The following USP32 variants were observed in gnomAD, a reference collection of about 807,000 sequenced individuals.
USP32 encodes the protein ubiquitin carboxyl-terminal hydrolase 32.
USP32 carries 59 observed loss-of-function variants against 204.8 expected under a neutral mutation model. The observed-to-expected ratio is 0.29, with a 90% CI of 0.23 to 0.36. The LOEUF (loss-of-function observed/expected upper bound fraction) is 0.36. Among genes scored for constraint, USP32 ranks in the 10% least tolerant of loss-of-function variants. The probability of loss-of-function intolerance (pLI) is 1.00; values close to 1 mark genes in which losing one functional copy is unlikely to be tolerated. For synonymous variants in USP32, 517 were observed against 678.4 expected, an observed-to-expected ratio of 0.76 and a Z score of 3.70; for missense variants, 1,160 against 1,946.4, an observed-to-expected ratio of 0.60 and a Z score of 7.60.
At chr17:60,419,849 T>TTATTA (rs1567903881) in intron 1 of USP32, among the ~76,000 whole-genome samples, 36 of 131,206 alleles carry the variant, frequency 2.7e-4, no homozygotes, top group African/African-American at 8.4e-4. Flanking sequence ...ATTATTATTA[T>TTATTA]TATTATTATT....
intron 1 of USP32, among the ~76,000 whole-genome samples, chr17:60,388,423 A>G (rs1168902468): frequency 2.0e-5 from 3 of 152,194 alleles, no homozygotes; most frequent in Non-Finnish European, 4.4e-5. Flanking sequence ...AAGATGTCTT[A>G]GAGTTCTAAA....
At chr17:60,386,808 C>T (rs550762765) in intron 1 of USP32, among the ~76,000 whole-genome samples, 5 of 152,328 alleles carry the variant, frequency 3.3e-5, no homozygotes, top group African/African-American at 1.2e-4. Flanking sequence ...TTTATCTCCT[C>T]TTGTCAGAGA....
chr17:60,374,182 T>A (rs1339224186), intron 1 of USP32, among the ~76,000 whole-genome samples: 2 of 150,466 alleles, frequency 1.3e-5, no homozygotes, highest in Non-Finnish European at 3.0e-5. Context: ...AGACTCTGTC[T>A]CCAAAAAAAA....
chr17:60,328,597 C>T (rs2088302388), intron 2 of USP32, among the ~76,000 whole-genome samples: 1 of 152,216 alleles, frequency 6.6e-6, no homozygotes, highest in Admixed American at 6.5e-5. Context: ...AGAGCTATAA[C>T]ATAAACAGAG....
intron 2 of USP32, among the ~76,000 whole-genome samples, chr17:60,332,064 G>A (rs1032163320): frequency 6.6e-6 from 1 of 151,830 alleles, no homozygotes; most frequent in Admixed American, 6.6e-5. Flanking sequence ...GCAACATAGC[G>A]AAACCCCATC....
At chr17:60,259,117 A>G (rs2086388334) in intron 9 of USP32, among the ~76,000 whole-genome samples, 1 of 152,216 alleles carries the variant, frequency 6.6e-6, no homozygotes, top group African/African-American at 2.4e-5. Context: ...ACATGGTAGG[A>G]ACCAGCAAGG....
intron 1 of USP32, among the ~76,000 whole-genome samples, chr17:60,417,998 A>G (rs57202205): frequency 0.19 from 25,264 of 130,644 alleles, 5,358 homozygotes; most frequent in African/African-American, 0.54. Flanking sequence ...CACTCTTGTT[A>G]CCCAGGCTGG....
At chr17:60,398,802 A>G (rs576682407) in intron 1 of USP32, among the ~76,000 whole-genome samples, 1 of 151,342 alleles carries the variant, frequency 6.6e-6, no homozygotes, top group East Asian at 1.9e-4. Flanking sequence ...ACATTGCAAG[A>G]CCCTGTCTCT....
chr17:60,333,241 C>T (rs1453229598), intron 2 of USP32, among the ~76,000 whole-genome samples: 1 of 152,158 alleles, frequency 6.6e-6, no homozygotes, highest in African/African-American at 2.4e-5. Flanking sequence ...GTTGATAACA[C>T]ATATTATATG....
At chr17:60,265,543 T>C (rs973434305) in intron 8 of USP32, 69 bp from the exon 9 acceptor site, 1 of 1,023,010 alleles carries the variant, frequency 9.8e-7, no homozygotes, top group Non-Finnish European at 1.5e-6. Context: ...ATTCAATGGC[T>C]AAAGTATATT....
upstream of USP32, among the ~76,000 whole-genome samples, chr17:60,396,094 T>TC (rs2089898631): frequency 6.7e-6 from 1 of 148,896 alleles, no homozygotes; most frequent in Non-Finnish European, 1.5e-5. Context: ...TTTTTTTTTT[T>TC]TGAGACAGGG....
chr17:60,385,832 C>A (rs1194665172), intron 1 of USP32, among the ~76,000 whole-genome samples: 1 of 147,852 alleles, frequency 6.8e-6, no homozygotes, highest in African/African-American at 2.5e-5. Flanking sequence ...AATAGAGACT[C>A]TGTCTCAAAA....
At chr17:60,286,632 G>A (rs1014965788) in intron 5 of USP32, among the ~76,000 whole-genome samples, 3 of 152,212 alleles carry the variant, frequency 2.0e-5, no homozygotes, top group African/African-American at 7.2e-5. Context: ...TATCTAGCCA[G>A]CCCTGAGAAA....
intron 3 of USP32, among the ~76,000 whole-genome samples, chr17:60,297,168 C>T (rs913091304): frequency 2.6e-5 from 4 of 152,070 alleles, no homozygotes; most frequent in Non-Finnish European, 5.9e-5. Context: ...GATGCCAAGA[C>T]GAGAGAATCA....
At chr17:60,215,761 T>C in intron 16 of USP32, among the ~76,000 whole-genome samples, 1 of 152,184 alleles carries the variant, frequency 6.6e-6, no homozygotes, top group Non-Finnish European at 1.5e-5. Context: ...AGTTTTTTAT[T>C]ATCATTATTT....
intron 1 of USP32, among the ~76,000 whole-genome samples, chr17:60,347,999 G>T (rs2088831614): frequency 6.6e-6 from 1 of 151,940 alleles, no homozygotes; most frequent in Non-Finnish European, 1.5e-5. Flanking sequence ...GCGGGCACCT[G>T]TAGTCCCAGC....
rs2086213864 is a variant in USP32, at chr17:60,253,281, G to A, written c.1075-839C>T. The stretch of plus-strand genomic sequence containing the variant: ...ATGAGATAAAGAGTACACTGAATAT[G>A]TTCGTGTACAAACAGCATATGAACT... On this transcript the variant is annotated intron_variant, in intron 10 of 33. Transcript: ENST00000300896. 2.0e-5 allele frequency among the ~76,000 whole-genome samples: 3 copies of A among 152,082 alleles called. No individual in the cohort carries two copies. The South Asian group carries it at 6.2e-4, about 32-fold the overall frequency.
At position 60,345,492 on chromosome 17, in the gene USP32, T is replaced by C. The variant is rs1212828581; in HGVS notation, c.175A>G (p.Lys59Glu). The C allele has an allele frequency of 6.2e-7, 1 of 1,613,956 alleles. No homozygotes were observed. Among genetic ancestry groups the C allele is most frequent in the Non-Finnish European group, 8.5e-7 (1 of 1,179,994 alleles). The part of the protein sequence containing the change: ...REVLGDGVPP[K>E]VAEVIYCSFG... The stretch of plus-strand genomic sequence containing the variant: ...AACAAAAAGATTACCTCAGCAACCT[T>C]TGGAGGCACTCCATCCCCAAGCACT... The change falls in exon 2 of 34, where the codon AAG becomes GAG. Residue 59 changes from lysine (K) to glutamate (E), a missense_variant. Transcript: ENST00000300896.
rs201754306 is a variant in USP32, at chr17:60,255,283, G to A, written c.991-25C>T. The A allele has an allele frequency of 3.7e-4, 543 of 1,479,158 alleles. 5 individuals are homozygous for A. The African/African-American group carries it at 6.7e-3, about 18-fold the overall frequency. The allele number at this position is 1,479,158 out of a possible 1,614,324, so 91.6% of individuals were successfully genotyped here. ...TCTGAAACAGAGACACTCATGTTAG[G>A]AACATCTTTTTTTTCTTTTTTTTTT... is the stretch of plus-strand genomic sequence containing the variant. On this transcript the variant is annotated intron_variant, in intron 9 of 33. Coordinates refer to ENST00000300896, the MANE Select transcript of USP32 (RefSeq NM_032582.4).
Sources: gnomAD v4.1 joint callset for allele counts (sites outside exome capture counted in the v4.1 genomes callset) on GRCh38, gnomAD v4.1.1 for gene constraint, MANE v1.5 for transcripts, NCBI Gene and HGNC (gene_info 2026-07-23, HGNC 2026-07-21) for gene names.